The following CSMD1 variants were observed in gnomAD, a reference collection of about 807,000 sequenced individuals.
CSMD1 encodes CUB and sushi domain-containing protein 1.
In CSMD1, 213 loss-of-function variants were observed where a neutral mutation model predicts 417.5. The observed-to-expected ratio is 0.51, with a 90% CI of 0.46 to 0.57. The LOEUF is 0.57. Ranked by LOEUF, CSMD1 falls within the 20% of genes least tolerant of loss-of-function variation. The pLI is 0.00. For missense variants in CSMD1, 6,923 were observed against 4,529.7 expected (o/e 1.53, Z -15.17); for synonymous variants, 2,862 against 1,736.8 (o/e 1.65, Z -16.11).
chr8:3,417,801 C>A (rs1210389765), intron 12 of CSMD1, among the ~76,000 whole-genome samples: 3 of 151,978 alleles, frequency 2.0e-5, no homozygotes, highest in African/African-American at 7.3e-5. Context: ...AACAAGATTG[C>A]AGCACATAAA....
chr8:3,686,366 T>C (rs1434492438), intron 7 of CSMD1, among the ~76,000 whole-genome samples: 1 of 152,102 alleles, frequency 6.6e-6, no homozygotes, highest in Non-Finnish European at 1.5e-5. Context: ...TTTTCTAGGA[T>C]AGGGAGGTGC....
At position 4,180,088 on chromosome 8, in the gene CSMD1, A is replaced by T. The variant is rs561098995; in HGVS notation, c.416-147989T>A. On this transcript the variant is annotated intron_variant, in intron 3 of 69. Coordinates refer to ENST00000635120, the MANE Select transcript of CSMD1 (RefSeq NM_033225.6). ...CCATCCCATTACTGGGTATATACCC[A>T]AAGACTATAAATCATGCTGCTATGA... Among the ~76,000 whole-genome samples, 31 of 152,302 alleles carry T rather than the reference A, an allele frequency of 2.0e-4. No individual in the cohort carries two copies. In the South Asian group the frequency reaches 6.4e-3, roughly 32 times the overall value.
intron 23 of CSMD1, among the ~76,000 whole-genome samples, chr8:3,328,362 C>G (rs1287842634): frequency 6.6e-6 from 1 of 152,210 alleles, no homozygotes; most frequent in African/African-American, 2.4e-5. Flanking sequence ...TCAATATCAT[C>G]TGACCCTAAG....
At position 4,629,842 on chromosome 8, in the gene CSMD1, A is replaced by G. The variant is rs151202827; in HGVS notation, c.302+7500T>C. On this transcript the variant is annotated intron_variant, in intron 2 of 69. Coordinates refer to ENST00000635120, the MANE Select transcript of CSMD1 (RefSeq NM_033225.6). ...TAATAATAGTGTCATGTTGCAAACT[A>G]TGTGGCTGTCTGCTTGTTCTTCTGT... Among the ~76,000 whole-genome samples the G allele has an allele frequency of 6.1e-4, 93 of 152,326 alleles. 1 individual carries two copies. In the East Asian group the frequency reaches 0.016, roughly 26 times the overall value.
At chr8:4,878,261 A>C (rs920846805) in intron 1 of CSMD1, among the ~76,000 whole-genome samples, 3 of 152,196 alleles carry the variant, frequency 2.0e-5, no homozygotes, top group Admixed American at 1.3e-4. Flanking sequence ...GAAAAAAGTA[A>C]ATTAATGGTG....
chr8:4,769,440 G>T (rs924587798), intron 1 of CSMD1, among the ~76,000 whole-genome samples: 3 of 151,974 alleles, frequency 2.0e-5, no homozygotes, highest in Admixed American at 2.0e-4. Flanking sequence ...TTAGAATAAG[G>T]TATTATCTGA....
At chr8:4,461,647 C>T (rs1448727466) in intron 2 of CSMD1, among the ~76,000 whole-genome samples, 1 of 151,776 alleles carries the variant, frequency 6.6e-6, no homozygotes, top group African/African-American at 2.4e-5. Context: ...ACCTCCTGGG[C>T]TCAAGCAATC....
intron 10 of CSMD1, among the ~76,000 whole-genome samples, chr8:3,526,423 G>A (rs1488663301): frequency 6.6e-6 from 1 of 152,034 alleles, no homozygotes; most frequent in African/African-American, 2.4e-5. Context: ...GTGGCCTAAA[G>A]TTAGTATGCA....
intron 3 of CSMD1, among the ~76,000 whole-genome samples, chr8:4,105,400 A>G (rs943326079): frequency 1.3e-5 from 2 of 152,194 alleles, no homozygotes; most frequent in African/African-American, 2.4e-5. Context: ...TGTTTATAGA[A>G]AAGTATTTTT....
At chr8:3,652,649 C>G (rs192250442) in intron 7 of CSMD1, among the ~76,000 whole-genome samples, 2 of 152,110 alleles carry the variant, frequency 1.3e-5, no homozygotes, top group Admixed American at 6.5e-5. Flanking sequence ...CATCAGATCT[C>G]GTGAGACTTA....
chr8:4,887,439 A>G (rs117173753), intron 1 of CSMD1, among the ~76,000 whole-genome samples: 2,610 of 152,038 alleles, frequency 0.017, 34 homozygotes, highest in Non-Finnish European at 0.026. Context: ...GGTATATTAG[A>G]TTTTTTTCAC....
chr8:4,743,577 T>C (rs183726600), intron 1 of CSMD1, among the ~76,000 whole-genome samples: 9 of 152,304 alleles, frequency 5.9e-5, no homozygotes, highest in Non-Finnish European at 1.3e-4. Context: ...GTGGCTATCC[T>C]GATTATTGGG....
At chr8:4,034,911 C>A (rs968677786) in intron 3 of CSMD1, among the ~76,000 whole-genome samples, 2 of 152,104 alleles carry the variant, frequency 1.3e-5, no homozygotes, top group African/African-American at 4.8e-5. Context: ...ACCACAATGA[C>A]CAGTCATTGT....
At chr8:4,592,046 T>A (rs190048229) in intron 2 of CSMD1, among the ~76,000 whole-genome samples, 1 of 152,170 alleles carries the variant, frequency 6.6e-6, no homozygotes, top group South Asian at 2.1e-4. Context: ...TTATGGACCA[T>A]TGCATCTGAG....
rs531701168 is a variant in CSMD1, at chr8:3,509,145, T to C, written c.1345-15419A>G. 3.3e-5 allele frequency among the ~76,000 whole-genome samples: 5 copies of C among 152,310 alleles called. No individual in the cohort carries two copies. In the South Asian group the frequency reaches 6.2e-4, roughly 19 times the overall value. On this transcript the variant is annotated intron_variant, in intron 10 of 69. Coordinates refer to ENST00000635120, the MANE Select transcript of CSMD1 (RefSeq NM_033225.6). Reference sequence around the variant, plus strand: ...ATGAGAATTTACTCTAAGTATTCAGTAGATAAGGTCAACTCAAAAGTTTCT... The same window carrying C: ...ATGAGAATTTACTCTAAGTATTCAGCAGATAAGGTCAACTCAAAAGTTTCT...
chr8:3,393,027 C>A (rs1186205101), intron 17 of CSMD1, among the ~76,000 whole-genome samples: 3 of 152,196 alleles, frequency 2.0e-5, no homozygotes, highest in African/African-American at 4.8e-5. Flanking sequence ...TCCTGAACCT[C>A]ATTCACTTAT....
intron 1 of CSMD1, among the ~76,000 whole-genome samples, chr8:4,723,448 C>T (rs1012876048): frequency 1.3e-5 from 2 of 152,194 alleles, no homozygotes; most frequent in African/African-American, 2.4e-5. Flanking sequence ...TGAAATATAC[C>T]TGATACTTAT....
chr8:3,812,535 G>A (rs75840150), intron 5 of CSMD1, among the ~76,000 whole-genome samples: 1,681 of 152,284 alleles, frequency 0.011, 34 homozygotes, highest in African/African-American at 0.038. Context: ...GAGTTCAAAA[G>A]CTAAGCTGAA....
At chr8:3,817,438 T>C (rs974242115) in intron 5 of CSMD1, among the ~76,000 whole-genome samples, 2 of 151,602 alleles carry the variant, frequency 1.3e-5, no homozygotes, top group African/African-American at 4.8e-5. Flanking sequence ...GCGCCAACAT[T>C]CCCAGCTCAT....
Sources: gnomAD v4.1 joint callset for allele counts (sites outside exome capture counted in the v4.1 genomes callset) on GRCh38, gnomAD v4.1.1 for gene constraint, MANE v1.5 for transcripts, NCBI Gene and HGNC (gene_info 2026-07-23, HGNC 2026-07-21) for gene names.